The following CRK variants were observed in gnomAD, a reference collection of about 807,000 sequenced individuals.
CRK encodes the protein adapter molecule crk.
Under a neutral mutation model 29.8 loss-of-function variants are expected in CRK, and 4 were observed. The ratio of observed to expected loss-of-function variants is 0.13; its 90% confidence interval spans 0.07 to 0.31. CRK has a LOEUF of 0.31. Among genes scored for constraint, CRK ranks in the 10% least tolerant of loss-of-function variants. The pLI is 1.00. For missense variants in CRK, 274 were observed against 396.5 expected (o/e 0.69, Z 2.62); for synonymous variants, 153 against 164.9 (o/e 0.93, Z 0.55).
chr17:1,426,564 C>G (rs976535037), intron 2 of CRK: 15 of 152,022 alleles, frequency 9.9e-5, no homozygotes, highest in Admixed American at 8.5e-4. Flanking sequence ...AACCTCATTT[C>G]TACAAAAAAT....
At chr17:1,427,855 G>A (rs376748595) in intron 2 of CRK, among the ~76,000 whole-genome samples, 17 of 151,742 alleles carry the variant, frequency 1.1e-4, no homozygotes, top group Admixed American at 3.9e-4. Context: ...GGCTTGTCTC[G>A]AACTCCTGAC....
intron 2 of CRK, among the ~76,000 whole-genome samples, chr17:1,428,689 A>C (rs1174414263): frequency 7.0e-6 from 1 of 143,208 alleles, no homozygotes; most frequent in Non-Finnish European, 1.5e-5. Context: ...ACGCCCTGCT[A>C]ATTTTTGTAT....
At position 1,437,049 on chromosome 17, in the gene CRK, T is replaced by C. The variant is rs376047184; in HGVS notation, c.348A>G (p.Glu116=). The change falls in exon 2 of 3, where the codon GAA becomes GAG. Residue 116 remains glutamate (E), a synonymous_variant. Transcript: ENST00000300574. ...TACCCTGCCTGGATCTGGAAACTGG[T>C]TCTATCAACGTTGTAGTGTCCAAAT... ...IHYLDTTTLI[E]PVSRSRQGSG... 26 of 1,614,046 alleles carry C rather than the reference T, an allele frequency of 1.6e-5. No homozygotes were observed. Among genetic ancestry groups the C allele is most frequent in the Non-Finnish European group, 2.0e-5 (24 of 1,180,042 alleles).
At position 1,438,917 on chromosome 17, in the gene CRK, A is replaced by C. The variant is rs938000328; in HGVS notation, c.242-1762T>G. 2.6e-5 allele frequency among the ~76,000 whole-genome samples: 4 copies of C among 152,064 alleles called. No individual in the cohort carries two copies. In the South Asian group the frequency reaches 8.3e-4, roughly 32 times the overall value. On this transcript the variant is annotated intron_variant, in intron 1 of 2. Transcript: ENST00000300574. ...GAGTGCAGTGGCATGATCATAGCTAACTGCAGCCTCAGCCTCAAGCAAGCC... is the reference window on the plus strand; with the variant it reads ...GAGTGCAGTGGCATGATCATAGCTACCTGCAGCCTCAGCCTCAAGCAAGCC...
chr17:1,422,781 A>G lies in CRK; in HGVS notation c.*732T>C. 1 of 397,032 alleles carries G rather than the reference A, an allele frequency of 2.5e-6. No individual in the cohort carries two copies. Among genetic ancestry groups the G allele is most frequent in the South Asian group, 1.4e-4 (1 of 6,996 alleles). 24.6% of individuals were successfully genotyped at this position (397,032 alleles called of 1,614,324 possible). On this transcript the variant is annotated 3_prime_UTR_variant, in exon 3 of 3. Transcript: ENST00000300574. ...TGGGAGACTGGCTGTCCACTTAGTG[A>G]ATCCAACACTGGCTTAAAGCTATGC... is the stretch of plus-strand genomic sequence containing the variant.
chr17:1,424,797 T>G (rs2150897871), intron 2 of CRK: 1 of 152,224 alleles, frequency 6.6e-6, no homozygotes, highest in Admixed American at 6.5e-5. Context: ...ATGGATTGCT[T>G]CAGCTCAGGA....
intron 2 of CRK, among the ~76,000 whole-genome samples, chr17:1,435,871 G>C (rs568478601): frequency 2.0e-5 from 3 of 151,972 alleles, no homozygotes; most frequent in African/African-American, 7.3e-5. Flanking sequence ...AAGAAAGGAA[G>C]GGAGAGAGGG....
chr17:1,423,714 T>C, intron 2 of CRK, 64 bp from the exon 3 acceptor site: 1 of 1,595,074 alleles, frequency 6.3e-7, no homozygotes, highest in Non-Finnish European at 8.6e-7. Flanking sequence ...AACAACTCCA[T>C]TCTCTGGTTA....
intron 1 of CRK, among the ~76,000 whole-genome samples, chr17:1,437,766 G>A (rs901104754): frequency 8.0e-5 from 12 of 150,440 alleles, no homozygotes; most frequent in African/African-American, 2.9e-4. Context: ...CGATTCTCCC[G>A]TCTCAGCCTC....
At chr17:1,445,002 G>A (rs1317658810) in intron 1 of CRK, among the ~76,000 whole-genome samples, 1 of 151,106 alleles carries the variant, frequency 6.6e-6, no homozygotes, top group Non-Finnish European at 1.5e-5. Flanking sequence ...CAAAAAATTA[G>A]CCGGGCATGG....
chr17:1,433,663 C>T (rs1325825924), intron 2 of CRK, among the ~76,000 whole-genome samples: 7 of 148,984 alleles, frequency 4.7e-5, no homozygotes, highest in Non-Finnish European at 8.9e-5. Context: ...GAATTACAGG[C>T]GCCCACCACC....
intron 1 of CRK, among the ~76,000 whole-genome samples, chr17:1,450,480 C>T (rs117038372): frequency 6.6e-6 from 1 of 151,812 alleles, no homozygotes; most frequent in Non-Finnish European, 1.5e-5. Context: ...GCCCTCCGGC[C>T]CGGCGTGGGC....
intron 2 of CRK, among the ~76,000 whole-genome samples, chr17:1,433,752 C>G (rs1751312762): frequency 6.6e-6 from 1 of 151,006 alleles, no homozygotes; most frequent in Non-Finnish European, 1.5e-5. Context: ...CTCCTGATCT[C>G]AGGTGATCTG....
At chr17:1,440,683 C>A (rs2073928249) in intron 1 of CRK, among the ~76,000 whole-genome samples, 1 of 151,936 alleles carries the variant, frequency 6.6e-6, no homozygotes, top group South Asian at 2.1e-4. Context: ...GAGGCCGAGG[C>A]GGGTGGATCA....
rs935080817 is a variant in CRK at position 1,421,725 on chromosome 17, C to G, written c.*1788G>C. 6.6e-6 allele frequency: 1 copy of G among 152,044 alleles called. No individual in the cohort carries two copies. Among genetic ancestry groups the G allele is most frequent in the East Asian group, 1.9e-4 (1 of 5,194 alleles). 9.4% of individuals were successfully genotyped at this position (152,044 alleles called of 1,614,324 possible). A position where few individuals can be genotyped will look rare whatever the true frequency, so the allele number is the denominator to read the frequency against. ...ACTGACTGTGTGTCAGACAGTGTGC[C>G]GGTCACTCGGACACCACAATCTGGT... On this transcript the variant is annotated 3_prime_UTR_variant, in exon 3 of 3. Transcript: ENST00000300574.
intron 2 of CRK, among the ~76,000 whole-genome samples, chr17:1,426,645 C>A (rs922569295): frequency 3.3e-5 from 5 of 152,092 alleles, no homozygotes; most frequent in African/African-American, 1.2e-4. Context: ...GTGAGTGAAT[C>A]ACGACGTCAG....
chr17:1,445,105 G>A (rs950870769), intron 1 of CRK, among the ~76,000 whole-genome samples: 56 of 150,748 alleles, frequency 3.7e-4, no homozygotes, highest in African/African-American at 1.2e-3. Context: ...CCAAGATCGC[G>A]CCACTGTACT....
intron 1 of CRK, among the ~76,000 whole-genome samples, chr17:1,452,544 T>C (rs2074025698): frequency 6.6e-6 from 1 of 152,024 alleles, no homozygotes; most frequent in Non-Finnish European, 1.5e-5. Flanking sequence ...TCCCAGCACT[T>C]TGGGAGGCCG....
chr17:1,428,254 G>C (rs1355287521), intron 2 of CRK, among the ~76,000 whole-genome samples: 1 of 151,092 alleles, frequency 6.6e-6, no homozygotes, highest in African/African-American at 2.4e-5. Context: ...GAGTAGCTGG[G>C]ACTACAGGCG....
Sources: gnomAD v4.1 joint callset for allele counts (sites outside exome capture counted in the v4.1 genomes callset) on GRCh38, gnomAD v4.1.1 for gene constraint, MANE v1.5 for transcripts, NCBI Gene and HGNC (gene_info 2026-07-23, HGNC 2026-07-21) for gene names.